USP6NL: variants seen among roughly 807,000 people sequenced by gnomAD.
The protein encoded by USP6NL is USP6 N-terminal like.
A neutral mutation model predicts 61.9 loss-of-function variants in USP6NL; 26 were observed. That is an observed-to-expected ratio of 0.42 (90% CI 0.31 to 0.58). The LOEUF is 0.58. Ranked by LOEUF, USP6NL falls within the 20% of genes least tolerant of loss-of-function variation. USP6NL has a pLI of 0.16. For synonymous variants in USP6NL, 432 were observed against 390.1 expected, an observed-to-expected ratio of 1.11 and a Z score of -1.27; for missense variants, 1,114 against 1,034.3, an observed-to-expected ratio of 1.08 and a Z score of -1.06.
chr10:11,594,939 CAGA>C (rs1688358575), intron 2 of USP6NL, among the ~76,000 whole-genome samples: 1 of 152,156 alleles, frequency 6.6e-6, no homozygotes, highest in Non-Finnish European at 1.5e-5. Context: ...TGATGGGTCC[CAGA>C]AGGAGGCAGG....
At chr10:11,484,661 C>T (rs1833382584) in intron 13 of USP6NL, among the ~76,000 whole-genome samples, 1 of 152,168 alleles carries the variant, frequency 6.6e-6, no homozygotes, top group African/African-American at 2.4e-5. Context: ...CAAGGGATCC[C>T]AGTGGAAACA....
In USP6NL at chr10:11,474,423, T is replaced by C. The variant is rs1185338521; in HGVS notation, c.1078+7347A>G. ...GAACTAGGACACATTTTATTTAAAT[T>C]GAAATTTGATACATTGAAAGGAAAC... is the stretch of plus-strand genomic sequence containing the variant. On this transcript the variant is annotated intron_variant, in intron 14 of 14. Coordinates refer to ENST00000609104, the MANE Select transcript of USP6NL (RefSeq NM_014688.5). This position sits in a 1 kb window ranked among gnomAD's most constrained non-coding sequence, Gnocchi z 4.9. Among the ~76,000 whole-genome samples the C allele has an allele frequency of 6.6e-6, 1 of 152,184 alleles. No homozygotes were observed. The highest frequency in any genetic ancestry group is 1.9e-4 in the East Asian group (1 of 5,206).
chr10:11,500,395 T>C (rs1834130199), intron 7 of USP6NL, among the ~76,000 whole-genome samples: 1 of 152,060 alleles, frequency 6.6e-6, no homozygotes, highest in Admixed American at 6.5e-5. Flanking sequence ...TCCACATTAA[T>C]TTTTTTGTAC....
intron 2 of USP6NL, among the ~76,000 whole-genome samples, chr10:11,541,270 T>C (rs954547342): frequency 6.7e-5 from 9 of 134,876 alleles, no homozygotes; most frequent in Non-Finnish European, 4.8e-5. Context: ...TATATATATA[T>C]ATATATGTAT....
chr10:11,514,159 AG>A (rs1834851743), intron 5 of USP6NL, among the ~76,000 whole-genome samples: 2 of 139,054 alleles, frequency 1.4e-5, no homozygotes, highest in Admixed American at 1.5e-4. Context: ...ATATACTTTG[AG>A]ACAGGGCGCA....
intron 2 of USP6NL, among the ~76,000 whole-genome samples, chr10:11,590,603 G>A (rs1042649187): frequency 6.6e-6 from 1 of 152,168 alleles, no homozygotes; most frequent in South Asian, 2.1e-4. Context: ...TTTTGGAGAA[G>A]TTAATGTAAA....
rs1835499615 is a variant in USP6NL, at chr10:11,528,165, C to A, written c.5-598G>T. 7.1e-6 allele frequency among the ~76,000 whole-genome samples: 1 copy of A among 140,220 alleles called. No homozygotes were observed. The highest frequency in any genetic ancestry group is 2.4e-4 in the South Asian group (1 of 4,206). 92.0% of individuals were successfully genotyped at this position (140,220 alleles called of 152,430 possible). A position where few individuals can be genotyped will look rare whatever the true frequency, so the allele number is the denominator to read the frequency against. ...CACACACACACACACACACACCCTT[C>A]ATCCTTATTAACATTAGGAGACTTT... On this transcript the variant is annotated intron_variant, in intron 2 of 14. Transcript: ENST00000609104. This position sits in a 1 kb window ranked among gnomAD's most constrained non-coding sequence, Gnocchi z 4.6.
chr10:11,464,589 G>A (rs1016870115), intron 14 of USP6NL, among the ~76,000 whole-genome samples: 1 of 152,194 alleles, frequency 6.6e-6, no homozygotes, highest in African/African-American at 2.4e-5. Flanking sequence ...TGGAGGCAGT[G>A]AGAAGAAGTT....
At chr10:11,586,515 G>C (rs117317165) in intron 2 of USP6NL, among the ~76,000 whole-genome samples, 4,172 of 151,854 alleles carry the variant, frequency 0.027, 79 homozygotes, top group Non-Finnish European at 0.046. Flanking sequence ...TACAATTAAT[G>C]TTAGAAATCC....
Position 11,585,266 on chromosome 10 carries a change from C to T in USP6NL, c.4+12365G>A, listed in dbSNP as rs141871345. Among the ~76,000 whole-genome samples the T allele has an allele frequency of 1.3e-5, 2 of 152,158 alleles. No homozygotes were observed. Among genetic ancestry groups the T allele is most frequent in the African/African-American group, 2.4e-5 (1 of 41,492 alleles). On this transcript the variant is annotated intron_variant, in intron 2 of 14. Transcript: ENST00000609104. This position sits in a 1 kb window ranked among gnomAD's most constrained non-coding sequence, Gnocchi z 4.5. ...CCTTGAGCAATGTAAGCCGGTGCAA[C>T]CACTATGGAAAACAGTATGGCAGTT...
chr10:11,590,753 C>T (rs1838136507), intron 2 of USP6NL, among the ~76,000 whole-genome samples: 2 of 151,888 alleles, frequency 1.3e-5, no homozygotes, highest in South Asian at 2.1e-4. Context: ...TAATTTGAAA[C>T]ATAATTCCCC....
chr10:11,461,271 G>GAAAAA lies in USP6NL; in HGVS notation c.*1165_*1169dup, dbSNP rs34084095. 25 of 151,362 alleles carry GAAAAA rather than the reference G, an allele frequency of 1.7e-4. No individual in the cohort carries two copies. Among genetic ancestry groups the GAAAAA allele is most frequent in the South Asian group, 4.2e-4 (2 of 4,800 alleles). 9.4% of individuals were successfully genotyped at this position (151,362 alleles called of 1,614,324 possible). A position where few individuals can be genotyped will look rare whatever the true frequency, so the allele number is the denominator to read the frequency against. On this transcript the variant is annotated 3_prime_UTR_variant, in exon 15 of 15. Coordinates refer to ENST00000609104, the MANE Select transcript of USP6NL (RefSeq NM_014688.5). The stretch of plus-strand genomic sequence containing the variant: ...GCCAAGAACTTGAATTTGTTTCAAT[G>GAAAAA]AAAAAAAGATGTTCAAAAGCATGAA...
intron 7 of USP6NL, 42 bp from the exon 8 acceptor site, chr10:11,493,270 T>C (rs1431216633): frequency 2.0e-6 from 3 of 1,516,478 alleles, no homozygotes; most frequent in Non-Finnish European, 2.7e-6. Context: ...TTTATGGAAA[T>C]TAGTTGTTGA....
chr10:11,486,628 C>A (rs1294354714), intron 10 of USP6NL, among the ~76,000 whole-genome samples: 1 of 152,296 alleles, frequency 6.6e-6, no homozygotes, highest in Admixed American at 6.5e-5. Flanking sequence ...CTTGATGATT[C>A]TTCTACATTA....
intron 2 of USP6NL, among the ~76,000 whole-genome samples, chr10:11,549,911 G>C (rs1020450632): frequency 6.6e-6 from 1 of 152,124 alleles, no homozygotes; most frequent in African/African-American, 2.4e-5. Flanking sequence ...TTACAAAACG[G>C]ATTTATTTAT....
chr10:11,501,812 C>T lies in USP6NL; in HGVS notation c.277-604G>A, dbSNP rs192310748. 4.1e-3 allele frequency among the ~76,000 whole-genome samples: 622 copies of T among 152,292 alleles called. 6 individuals are homozygous for T. Among genetic ancestry groups the T allele is most frequent in the East Asian group, 0.014 (75 of 5,196 alleles). On this transcript the variant is annotated intron_variant, in intron 6 of 14. Coordinates refer to ENST00000609104, the MANE Select transcript of USP6NL (RefSeq NM_014688.5). ...CATTTCCCCTCCCCTGCCCTTTCTC[C>T]TTCTTTTCTCTCCTCTTTTCAGTTC...
chr10:11,482,015 A>G lies in USP6NL; in HGVS notation c.926-93T>C, dbSNP rs1833219474. Reference sequence around the variant, plus strand: ...ATATTCAGGTGTAGTGTAAAAGGGCATTAAAAAGGGCGCAAGCAGCATACA... The same window carrying G: ...ATATTCAGGTGTAGTGTAAAAGGGCGTTAAAAAGGGCGCAAGCAGCATACA... On this transcript the variant is annotated intron_variant, in intron 13 of 14. Transcript: ENST00000609104. This position sits in a 1 kb window ranked among gnomAD's most constrained non-coding sequence, Gnocchi z 4.0. 1.5e-6 allele frequency: 2 copies of G among 1,310,260 alleles called. No homozygotes were observed. The highest frequency in any genetic ancestry group is 2.0e-6 in the Non-Finnish European group (2 of 987,572). 81.2% of individuals were successfully genotyped at this position (1,310,260 alleles called of 1,614,324 possible). A position where few individuals can be genotyped will look rare whatever the true frequency, so the allele number is the denominator to read the frequency against.
intron 14 of USP6NL, among the ~76,000 whole-genome samples, chr10:11,479,564 TGTTTTTTTTTTTTTTG>T (rs1833107466): frequency 7.4e-6 from 1 of 135,914 alleles, no homozygotes; most frequent in Admixed American, 7.4e-5. Context: ...TTCATGTAGG[TGTTTTTTTTTTTTTTG>T]GTTTTTTTTT....
Position 11,592,709 on chromosome 10 carries a change from G to T in USP6NL, c.4+4922C>A, listed in dbSNP as rs1838192421. On this transcript the variant is annotated intron_variant, in intron 2 of 14. Coordinates refer to ENST00000609104, the MANE Select transcript of USP6NL (RefSeq NM_014688.5). This position sits in a 1 kb window ranked among gnomAD's most constrained non-coding sequence, Gnocchi z 4.7. ...TTCCACAAAACAGTTTATCTATCTA[G>T]ATAGGCTACTGTCCTAGAGAGTTTT... is the stretch of plus-strand genomic sequence containing the variant. 6.6e-6 allele frequency among the ~76,000 whole-genome samples: 1 copy of T among 152,108 alleles called. No homozygotes were observed. Among genetic ancestry groups the T allele is most frequent in the Non-Finnish European group, 1.5e-5 (1 of 68,018 alleles).
Sources: gnomAD v4.1 joint callset for allele counts (sites outside exome capture counted in the v4.1 genomes callset) on GRCh38, gnomAD v4.1.1 for gene constraint, Gnocchi (gnomAD v3.1) non-coding constraint, MANE v1.5 for transcripts, NCBI Gene and HGNC (gene_info 2026-07-23, HGNC 2026-07-21) for gene names.